Variants in PAX5 observed in about 807,000 individuals in gnomAD.
PAX5 encodes the protein paired box protein Pax-5.
In PAX5, 9 loss-of-function variants were observed where a neutral mutation model predicts 43.7. The ratio of observed to expected loss-of-function variants is 0.21; its 90% CI spans 0.12 to 0.36. PAX5 has a LOEUF of 0.36. Among genes scored for constraint, PAX5 ranks in the 10% least tolerant of loss-of-function variants. PAX5 has a pLI of 1.00. For synonymous variants in PAX5, 228 were observed against 214.3 expected (o/e 1.06, Z -0.56); for missense variants, 383 against 532.7 (o/e 0.72, Z 2.77).
Position 37,010,174 on chromosome 9 carries a change from C to A in PAX5, c.411-3637G>T, listed in dbSNP as rs930683535. Among the ~76,000 whole-genome samples the A allele has an allele frequency of 2.0e-5, 3 of 152,296 alleles. No individual in the cohort carries two copies. In the South Asian group the frequency reaches 6.2e-4, roughly 32 times the overall value. ...CATCCAATAAGAACACACTCAGGAC[C>A]TTTTCTAAGCCAGGGACAGTTGGGC... On this transcript the variant is annotated intron_variant, in intron 3 of 9. Coordinates refer to ENST00000358127, the MANE Select transcript of PAX5 (RefSeq NM_016734.3).
rs1360107902 is a variant in PAX5, at chr9:36,995,971, G to A, written c.604+6677C>T. On this transcript the variant is annotated intron_variant, in intron 5 of 9. Coordinates refer to ENST00000358127, the MANE Select transcript of PAX5 (RefSeq NM_016734.3). Reference sequence around the variant, plus strand: ...GAGACTCAGCTTCCTAAAGGCAAAGGAGGAGGAAAGTGAGTGGCCCTTCAT... The same window carrying A: ...GAGACTCAGCTTCCTAAAGGCAAAGAAGGAGGAAAGTGAGTGGCCCTTCAT... Among the ~76,000 whole-genome samples the A allele has an allele frequency of 2.0e-5, 3 of 152,352 alleles. No individual in the cohort carries two copies. The East Asian group carries it at 5.8e-4, about 29-fold the overall frequency.
At chr9:36,896,292 G>A (rs1039279977) in intron 7 of PAX5, among the ~76,000 whole-genome samples, 1 of 151,918 alleles carries the variant, frequency 6.6e-6, no homozygotes, top group Non-Finnish European at 1.5e-5. Flanking sequence ...CGGGATAGTC[G>A]ATGTCACAGT....
intron 2 of PAX5, among the ~76,000 whole-genome samples, chr9:37,020,206 T>C (rs1220273643): frequency 2.6e-5 from 4 of 151,974 alleles, no homozygotes; most frequent in Non-Finnish European, 4.4e-5. Context: ...CATAACAAGG[T>C]TGATAATAAC....
intron 8 of PAX5, among the ~76,000 whole-genome samples, chr9:36,848,318 C>A (rs1260551471): frequency 6.7e-6 from 1 of 150,022 alleles, no homozygotes; most frequent in Non-Finnish European, 1.5e-5. Context: ...AGCTGGCTTC[C>A]CCCGCACCTC....
chr9:37,016,068 C>T (rs1433603067), intron 2 of PAX5, among the ~76,000 whole-genome samples: 2 of 152,294 alleles, frequency 1.3e-5, no homozygotes, highest in Non-Finnish European at 2.9e-5. Flanking sequence ...ATGAATAGGT[C>T]CTGATCTACA....
At chr9:36,949,333 T>C (rs2132099692) in intron 6 of PAX5, among the ~76,000 whole-genome samples, 1 of 152,350 alleles carries the variant, frequency 6.6e-6, no homozygotes, top group East Asian at 1.9e-4. Flanking sequence ...GTGCTGGGAT[T>C]ACAGGCGTGA....
chr9:36,846,336 C>T (rs889671022), intron 9 of PAX5, among the ~76,000 whole-genome samples: 5 of 152,318 alleles, frequency 3.3e-5, no homozygotes, highest in Non-Finnish European at 5.9e-5. Context: ...CCTCCAGCCA[C>T]AGGCAACCAG....
chr9:36,875,444 C>T (rs574931835), intron 8 of PAX5, among the ~76,000 whole-genome samples: 1 of 152,292 alleles, frequency 6.6e-6, no homozygotes, highest in Non-Finnish European at 1.5e-5. Context: ...CACTAAATGA[C>T]TTCAGCTGGG....
At chr9:36,880,737 A>G (rs1826341327) in intron 8 of PAX5, among the ~76,000 whole-genome samples, 1 of 151,910 alleles carries the variant, frequency 6.6e-6, no homozygotes, top group Non-Finnish European at 1.5e-5. Flanking sequence ...TAAGTTTTGT[A>G]TTTTGTTTGT....
rs1026103826 is a variant in PAX5, at chr9:36,988,901, C to T, written c.604+13747G>A. Among the ~76,000 whole-genome samples, 5 of 152,212 alleles carry T rather than the reference C, an allele frequency of 3.3e-5. No individual in the cohort carries two copies. The East Asian group carries it at 9.6e-4, about 29-fold the overall frequency. On this transcript the variant is annotated intron_variant, in intron 5 of 9. Coordinates refer to ENST00000358127, the MANE Select transcript of PAX5 (RefSeq NM_016734.3). ...ACCAGAAAAGGCAGGAATTATTATC[C>T]CCCTTTGACAGGTGAGGAAATTGAA... is the stretch of plus-strand genomic sequence containing the variant.
intron 1 of PAX5, among the ~76,000 whole-genome samples, chr9:37,021,101 T>C (rs939891574): frequency 6.6e-5 from 10 of 152,218 alleles, no homozygotes; most frequent in Admixed American, 5.2e-4. Flanking sequence ...AAGATCTCAA[T>C]GTAAACGAAA....
intron 9 of PAX5, among the ~76,000 whole-genome samples, chr9:36,845,894 C>T (rs1248989221): frequency 6.6e-6 from 1 of 152,196 alleles, no homozygotes; most frequent in East Asian, 1.9e-4. Flanking sequence ...TTAAGGAGGC[C>T]TTGTTAAGCT....
intron 6 of PAX5, chr9:36,930,799 G>C: frequency 7.8e-7 from 1 of 1,286,510 alleles, no homozygotes; most frequent in Non-Finnish European, 1.0e-6. Flanking sequence ...AGCAATATGA[G>C]AGGTTCAGGA....
intron 5 of PAX5, among the ~76,000 whole-genome samples, chr9:36,969,825 T>G (rs1036207463): frequency 6.6e-6 from 1 of 152,228 alleles, no homozygotes; most frequent in African/African-American, 2.4e-5. Context: ...TGTCCCGCGA[T>G]TCCCCTCACC....
intron 5 of PAX5, among the ~76,000 whole-genome samples, chr9:36,972,227 C>T (rs866528921): frequency 1.6e-4 from 24 of 152,340 alleles, no homozygotes; most frequent in Middle Eastern, 3.4e-3. Flanking sequence ...AAGCCAGAGC[C>T]CTTATACAGC....
In PAX5 at chr9:36,994,951, A is replaced by T. The variant is rs574102171; in HGVS notation, c.604+7697T>A. Among the ~76,000 whole-genome samples, 3 of 152,214 alleles carry T rather than the reference A, an allele frequency of 2.0e-5. No homozygotes were observed. In the East Asian group the frequency reaches 5.8e-4, roughly 29 times the overall value. ...CCCCACCACGACCACACCCCAGCAG[A>T]ACCTTGGTCCTGACTCCTTCCTAGA... On this transcript the variant is annotated intron_variant, in intron 5 of 9. Transcript: ENST00000358127.
chr9:36,865,568 G>C (rs1317036200), intron 8 of PAX5, among the ~76,000 whole-genome samples: 1 of 152,168 alleles, frequency 6.6e-6, no homozygotes, highest in African/African-American at 2.4e-5. Flanking sequence ...GCTGGGGAGA[G>C]AGGGAGAGAA....
chr9:36,838,351 G>A lies in PAX5; in HGVS notation c.*2209C>T, dbSNP rs2131558670. 4.3e-6 allele frequency: 1 copy of A among 232,422 alleles called. No homozygotes were observed. The highest frequency in any genetic ancestry group is 1.3e-3 in the Middle Eastern group (1 of 782). 14.4% of individuals were successfully genotyped at this position (232,422 alleles called of 1,614,324 possible). A position where few individuals can be genotyped will look rare whatever the true frequency, so the allele number is the denominator to read the frequency against. On this transcript the variant is annotated 3_prime_UTR_variant, in exon 10 of 10. Coordinates refer to ENST00000358127, the MANE Select transcript of PAX5 (RefSeq NM_016734.3). ...TCAACTCTCCTCAGGAATAGGAGATGTGGATAGACCAGGGTGACAGGGAAC... is the reference window on the plus strand; with the variant it reads ...TCAACTCTCCTCAGGAATAGGAGATATGGATAGACCAGGGTGACAGGGAAC...
chr9:37,023,843 G>A (rs1588259593), intron 1 of PAX5, among the ~76,000 whole-genome samples: 1 of 152,186 alleles, frequency 6.6e-6, no homozygotes, highest in Non-Finnish European at 1.5e-5. Context: ...CAGGGAAAGG[G>A]CAGGGAAGAA....
Sources: allele counts gnomAD v4.1 joint callset (sites outside exome capture counted in the v4.1 genomes callset), GRCh38; gene constraint gnomAD v4.1.1; transcripts MANE v1.5; gene names NCBI Gene and HGNC (gene_info 2026-07-23, HGNC 2026-07-21).